The following NAV1 variants were observed in gnomAD, a reference collection of about 807,000 sequenced individuals.
NAV1 encodes the protein neuron navigator 1, also known as pore membrane and/or filament interacting like protein 3.
In NAV1, 18 loss-of-function variants were observed where a neutral mutation model predicts 175.2. The observed-to-expected ratio is 0.10, with a 90% CI of 0.07 to 0.15. NAV1 has a LOEUF of 0.15. NAV1 is among the 10% of genes least tolerant of loss of function. The pLI is 1.00. For synonymous variants in NAV1, 897 were observed against 978.7 expected, an observed-to-expected ratio of 0.92 and a Z score of 1.56; for missense variants, 1,731 against 2,436.6, an observed-to-expected ratio of 0.71 and a Z score of 6.10.
chr1:201,555,885 T>G, intron 1 of NAV1, among the ~76,000 whole-genome samples: 1 of 146,032 alleles, frequency 6.8e-6, no homozygotes, highest in Non-Finnish European at 1.5e-5. Context: ...GCGGGGCAGA[T>G]TTAATAACAG....
intron 3 of NAV1, among the ~76,000 whole-genome samples, chr1:201,745,893 C>T (rs776839223): frequency 2.0e-5 from 3 of 152,136 alleles, no homozygotes; most frequent in Non-Finnish European, 4.4e-5. Flanking sequence ...AGTTCAGTGG[C>T]GCCATCTCCG....
intron 4 of NAV1, 62 bp from the exon 9 acceptor site, chr1:201,780,950 C>G: frequency 1.3e-6 from 2 of 1,511,548 alleles, no homozygotes; most frequent in South Asian, 2.7e-5. Context: ...TCAATCCTGT[C>G]AGCTATCCAG....
intron 15 of NAV1, among the ~76,000 whole-genome samples, chr1:201,800,454 T>C (rs1430282269): frequency 6.6e-6 from 1 of 152,244 alleles, no homozygotes; most frequent in African/African-American, 2.4e-5. Context: ...TAAAGTTTTA[T>C]TGGAAACACA....
chr1:201,821,088 GC>G (rs1327135835), exon 30 of NAV1: 1 of 152,354 alleles, frequency 6.6e-6, no homozygotes, highest in African/African-American at 2.4e-5. Context: ...TAGCTCAATT[GC>G]CAGCCTCTGT....
intron 1 of NAV1, among the ~76,000 whole-genome samples, chr1:201,557,584 C>T (rs758796202): frequency 1.2e-4 from 18 of 152,318 alleles, no homozygotes; most frequent in Admixed American, 4.6e-4. Flanking sequence ...AAATTAGCAC[C>T]GTCCTTGGCT....
upstream of NAV1, among the ~76,000 whole-genome samples, chr1:201,620,859 G>T (rs1030466117): frequency 6.6e-6 from 1 of 152,064 alleles, no homozygotes; most frequent in Non-Finnish European, 1.5e-5. Flanking sequence ...TATTTAATTT[G>T]CATCTCTTCA....
chr1:201,635,629 C>T (rs1051471986), intron 2 of NAV1, among the ~76,000 whole-genome samples: 1 of 152,210 alleles, frequency 6.6e-6, no homozygotes, highest in Non-Finnish European at 1.5e-5. Context: ...TGGGCCACCC[C>T]CCTTCGCCCT....
chr1:201,712,513 C>G (rs1176562367), intron 1 of NAV1, among the ~76,000 whole-genome samples: 1 of 152,198 alleles, frequency 6.6e-6, no homozygotes, highest in Admixed American at 6.5e-5. Context: ...GAAGCAGGGC[C>G]TCCCCAAAAC....
chr1:201,564,234 G>C (rs1408521164), intron 1 of NAV1, among the ~76,000 whole-genome samples: 3 of 152,134 alleles, frequency 2.0e-5, no homozygotes, highest in Non-Finnish European at 2.9e-5. Flanking sequence ...TCAGTTTGTA[G>C]GTGTGAAAGG....
intron 1 of NAV1, among the ~76,000 whole-genome samples, chr1:201,658,001 C>T (rs1669470643): frequency 6.6e-6 from 1 of 152,126 alleles, no homozygotes; most frequent in South Asian, 2.1e-4. Context: ...CCACTGCACT[C>T]CAGCCTGGGT....
chr1:201,660,229 T>G (rs948217209), intron 1 of NAV1, among the ~76,000 whole-genome samples: 1 of 152,204 alleles, frequency 6.6e-6, no homozygotes, highest in African/African-American at 2.4e-5. Flanking sequence ...GTGCTGCTGC[T>G]GCTCCCACTG....
chr1:201,584,461 A>G (rs954002961), intron 1 of NAV1, among the ~76,000 whole-genome samples: 3 of 152,246 alleles, frequency 2.0e-5, no homozygotes, highest in Non-Finnish European at 4.4e-5. Flanking sequence ...CTGGTCTCCC[A>G]TGTGACTGAG....
chr1:201,554,848 G>T (rs946191648), intron 1 of NAV1, among the ~76,000 whole-genome samples: 1 of 152,206 alleles, frequency 6.6e-6, no homozygotes, highest in African/African-American at 2.4e-5. Flanking sequence ...GAGGGTAGAA[G>T]TCTGAAATCG....
chr1:201,548,323 C>T (rs1432312983), intron 1 of NAV1, among the ~76,000 whole-genome samples: 1 of 152,142 alleles, frequency 6.6e-6, no homozygotes, highest in African/African-American at 2.4e-5. Flanking sequence ...TTCTTGAAGC[C>T]AGAATTCAAG....
chr1:201,557,461 G>A (rs895904414), intron 1 of NAV1, among the ~76,000 whole-genome samples: 4 of 152,182 alleles, frequency 2.6e-5, no homozygotes, highest in African/African-American at 9.7e-5. Context: ...CTCCCCATGG[G>A]GAGATCACTT....
At chr1:201,805,146 C>T (rs919810037) in intron 17 of NAV1, among the ~76,000 whole-genome samples, 12 of 152,198 alleles carry the variant, frequency 7.9e-5, no homozygotes, top group Admixed American at 2.6e-4. Flanking sequence ...CTGAGGTCCA[C>T]TCTAACCCTA....
At chr1:201,645,804 G>A (rs192238953), upstream of NAV1, among the ~76,000 whole-genome samples, 105 of 152,310 alleles carry the variant, frequency 6.9e-4, no homozygotes, top group African/African-American at 2.5e-3. Context: ...GCAAGTAAGA[G>A]CAACTGTAAC....
chr1:201,806,070 G>A (rs1284803857), intron 17 of NAV1, among the ~76,000 whole-genome samples: 5 of 149,852 alleles, frequency 3.3e-5, no homozygotes, highest in Admixed American at 2.7e-4. Flanking sequence ...CTGTAACCTC[G>A]GCCTCGCGGG....
intron 1 of NAV1, among the ~76,000 whole-genome samples, chr1:201,585,844 C>G (rs1667012386): frequency 6.6e-6 from 1 of 152,124 alleles, no homozygotes; most frequent in South Asian, 2.1e-4. Context: ...GAAATTGGAA[C>G]AGAATCTGTG....
Sources: allele counts gnomAD v4.1 joint callset (sites outside exome capture counted in the v4.1 genomes callset), GRCh38; gene constraint gnomAD v4.1.1; transcripts MANE v1.5; gene names NCBI Gene and HGNC (gene_info 2026-07-23, HGNC 2026-07-21).